The following TMEM116 variants were observed in gnomAD, a reference collection of about 807,000 sequenced individuals.
The protein encoded by TMEM116 is transmembrane protein 116.
In TMEM116, 38 loss-of-function variants were observed where a neutral mutation model predicts 44.3. The observed-to-expected ratio is 0.86, with a 90% CI of 0.66 to 1.12. The LOEUF is 1.12. Ranked by LOEUF, TMEM116 falls within the 50% of genes most tolerant of loss-of-function variation. TMEM116 has a pLI of 0.00. For synonymous variants in TMEM116, 132 were observed against 144.8 expected (o/e 0.91, Z 0.64); for missense variants, 354 against 401.7 (o/e 0.88, Z 1.01).
Position 111,959,874 on chromosome 12 carries a change from A to G in TMEM116, c.211-16505T>C, listed in dbSNP as rs2074445181. On this transcript the variant is annotated intron_variant, in intron 4 of 10. Transcript: ENST00000552374. ...TCATAAAACAAGTTCTTAGGGACCT[A>G]CAAAGAGATTTAGACTGCCACACAA... Among the ~76,000 whole-genome samples the G allele has an allele frequency of 2.0e-5, 3 of 152,208 alleles. 1 individual carries two copies. The South Asian group carries it at 6.2e-4, about 32-fold the overall frequency.
intron 8 of TMEM116, 113 bp from the exon 9 acceptor site, chr12:111,934,143 A>T: frequency 8.2e-7 from 1 of 1,215,724 alleles, no homozygotes; most frequent in South Asian, 1.7e-5. Flanking sequence ...AACAGGAACG[A>T]CCCCATTCTC....
At chr12:111,976,491 G>GCAAAA (rs1197012884) in intron 4 of TMEM116, among the ~76,000 whole-genome samples, 3 of 151,930 alleles carry the variant, frequency 2.0e-5, no homozygotes, top group South Asian at 2.1e-4. Flanking sequence ...ACAAAACAAA[G>GCAAAA]CAAAACAAAA....
intron 3 of TMEM116, among the ~76,000 whole-genome samples, chr12:111,992,609 G>A (rs2076678745): frequency 6.6e-6 from 1 of 152,128 alleles, no homozygotes; most frequent in South Asian, 2.1e-4. Flanking sequence ...TTAGGGATGT[G>A]GCTGAGGACT....
chr12:111,945,224 G>C (rs531629444), intron 4 of TMEM116, among the ~76,000 whole-genome samples: 1 of 150,606 alleles, frequency 6.6e-6, no homozygotes, highest in South Asian at 2.1e-4. Context: ...TGTGCCTGTA[G>C]TCCCAGCTAC....
In TMEM116 at chr12:112,013,051, A is replaced by T. The variant is rs1384762343; in HGVS notation, c.-83T>A. ...AACTGCCTGACGGCCCAAAGGCAGGAAGAAACGATGGTAGGCCTTGTCATC... is the reference window on the plus strand; with the variant it reads ...AACTGCCTGACGGCCCAAAGGCAGGTAGAAACGATGGTAGGCCTTGTCATC... On this transcript the variant is annotated 5_prime_UTR_variant, in exon 1 of 11. Transcript: ENST00000552374. The T allele has an allele frequency of 5.9e-6, 1 of 169,534 alleles. No homozygotes were observed. The highest frequency in any genetic ancestry group is 6.4e-5 in the Admixed American group (1 of 15,686). 10.5% of individuals were successfully genotyped at this position (169,534 alleles called of 1,614,324 possible). A position where few individuals can be genotyped will look rare whatever the true frequency, so the allele number is the denominator to read the frequency against.
chr12:112,009,861 A>G (rs1466027007), intron 1 of TMEM116, among the ~76,000 whole-genome samples: 1 of 152,048 alleles, frequency 6.6e-6, no homozygotes, highest in Non-Finnish European at 1.5e-5. Flanking sequence ...AAAAAAACAA[A>G]ACAAAACCTA....
chr12:111,944,501 C>G (rs946562787), intron 4 of TMEM116, among the ~76,000 whole-genome samples: 1 of 151,924 alleles, frequency 6.6e-6, no homozygotes, highest in African/African-American at 2.4e-5. Flanking sequence ...ACTATAAATA[C>G]AAAAATTAGA....
chr12:111,990,712 T>C (rs935989736), intron 4 of TMEM116, among the ~76,000 whole-genome samples: 3 of 152,182 alleles, frequency 2.0e-5, no homozygotes, highest in African/African-American at 7.2e-5. Flanking sequence ...AGAAGCAGTA[T>C]TACATACTGA....
intron 3 of TMEM116, among the ~76,000 whole-genome samples, chr12:112,000,576 G>A (rs890323832): frequency 6.6e-6 from 1 of 151,134 alleles, no homozygotes; most frequent in Admixed American, 6.6e-5. Flanking sequence ...ACACAGGCTG[G>A]AGTGCAGTGG....
At chr12:111,956,748 C>T (rs543798421) in intron 4 of TMEM116, among the ~76,000 whole-genome samples, 10 of 152,292 alleles carry the variant, frequency 6.6e-5, no homozygotes, top group East Asian at 1.9e-4. Context: ...CTCCTGACCG[C>T]GAGTGGTCTG....
intron 4 of TMEM116, among the ~76,000 whole-genome samples, chr12:111,949,986 A>C (rs967262838): frequency 3.9e-5 from 6 of 152,252 alleles, no homozygotes; most frequent in African/African-American, 1.2e-4. Context: ...ATGGTAGTGC[A>C]CACCTGTAGT....
chr12:111,959,141 G>T (rs1405919218), intron 4 of TMEM116, among the ~76,000 whole-genome samples: 1 of 152,218 alleles, frequency 6.6e-6, no homozygotes, highest in Non-Finnish European at 1.5e-5. Context: ...CAGACTAACA[G>T]TAGATCTCTC....
chr12:111,958,250 A>G (rs2074300424), intron 4 of TMEM116, among the ~76,000 whole-genome samples: 1 of 147,340 alleles, frequency 6.8e-6, no homozygotes, highest in Non-Finnish European at 1.5e-5. Flanking sequence ...CCTCTCCGAG[A>G]AACACCCACG....
intron 3 of TMEM116, among the ~76,000 whole-genome samples, chr12:112,002,865 A>G (rs2077345253): frequency 6.6e-6 from 1 of 152,174 alleles, no homozygotes; most frequent in South Asian, 2.1e-4. Flanking sequence ...GTCCTGACCT[A>G]TGCTTTGTCT....
chr12:112,002,346 T>C (rs575900887), intron 3 of TMEM116, among the ~76,000 whole-genome samples: 49 of 148,750 alleles, frequency 3.3e-4, no homozygotes, highest in Admixed American at 8.1e-4. Context: ...TGAGCCGAGA[T>C]TGCACCATCA....
At chr12:111,939,880 C>CTGTGTGTGTGTGTGTGTGTGTGTG (rs61322648) in intron 5 of TMEM116, among the ~76,000 whole-genome samples, 4 of 130,376 alleles carry the variant, frequency 3.1e-5, no homozygotes, top group African/African-American at 1.1e-4. Context: ...CTTCAAAGCT[C>CTGTGTGTGTGTGTGTGTGTGTGTG]TGTGTGTGTG....
At chr12:111,950,607 G>C (rs1400795095) in intron 4 of TMEM116, among the ~76,000 whole-genome samples, 1 of 152,054 alleles carries the variant, frequency 6.6e-6, no homozygotes, top group Non-Finnish European at 1.5e-5. Context: ...AATAAATGGT[G>C]CTGGGATAAC....
chr12:112,009,932 C>T (rs933762639), intron 1 of TMEM116, among the ~76,000 whole-genome samples: 2 of 151,950 alleles, frequency 1.3e-5, no homozygotes, highest in Non-Finnish European at 2.9e-5. Context: ...TAGGTATAAC[C>T]GAAGTTATTT....
At chr12:112,003,292 G>A in intron 3 of TMEM116, among the ~76,000 whole-genome samples, 1 of 152,190 alleles carries the variant, frequency 6.6e-6, no homozygotes, top group East Asian at 1.9e-4. Context: ...CTCAGGGCTG[G>A]GCGCGGTGGC....
Sources: allele counts gnomAD v4.1 joint callset (sites outside exome capture counted in the v4.1 genomes callset), GRCh38; gene constraint gnomAD v4.1.1; transcripts MANE v1.5; gene names NCBI Gene and HGNC (gene_info 2026-07-23, HGNC 2026-07-21).